Variants in BIRC6 observed in about 807,000 individuals in gnomAD.
BIRC6 encodes baculoviral IAP repeat containing 6, also known as dual E2 ubiquitin-conjugating enzyme/E3 ubiquitin-protein ligase BIRC6.
In BIRC6, 98 loss-of-function variants were observed where a neutral mutation model predicts 503.3. The observed-to-expected ratio is 0.19, with a 90% confidence interval of 0.17 to 0.23. BIRC6 has a LOEUF of 0.23. Among genes scored for constraint, BIRC6 ranks in the 10% least tolerant of loss-of-function variants. BIRC6 has a pLI of 1.00. For missense variants in BIRC6, 5,360 were observed against 5,806.0 expected (o/e 0.92, Z 2.50); for synonymous variants, 2,240 against 2,078.7 (o/e 1.08, Z -2.11).
At chr2:32,588,331 G>C (rs1342179490) in intron 66 of BIRC6, among the ~76,000 whole-genome samples, 1 of 152,154 alleles carries the variant, frequency 6.6e-6, no homozygotes, top group Non-Finnish European at 1.5e-5. Flanking sequence ...CTCCAGCCTG[G>C]ACAACAAGAG....
Position 32,469,540 on chromosome 2 carries a change from G to T in BIRC6, c.6273G>T (p.Trp2091Cys). 6.2e-7 allele frequency: 1 copy of T among 1,613,878 alleles called. No individual in the cohort carries two copies. Among genetic ancestry groups the T allele is most frequent in the Non-Finnish European group, 8.5e-7 (1 of 1,179,836 alleles). The change falls in exon 30 of 74, where the codon TGG becomes TGT. Residue 2091 changes from tryptophan to cysteine, a missense_variant. This residue lies in a region of BIRC6 where 2,299 missense variants were observed against 2,267.2 expected (regional missense o/e 1.01). Coordinates refer to ENST00000421745, the MANE Select transcript of BIRC6 (RefSeq NM_016252.4). The part of the protein sequence containing the change: ...LLVQLCGGER[W>C]WGQFLSNVLQ... ...TTCAACTGTGTGGTGGTGAAAGGTG[G>T]TGGGGTCAATTTCTTTCTAATGTCC... is the stretch of plus-strand genomic sequence containing the variant.
intron 66 of BIRC6, among the ~76,000 whole-genome samples, chr2:32,578,240 T>C (rs745658972): frequency 6.6e-6 from 1 of 152,156 alleles, no homozygotes; most frequent in Non-Finnish European, 1.5e-5. Flanking sequence ...CAACTTAAGA[T>C]GTATTTTTTT....
chr2:32,546,056 A>G (rs2058033881), intron 63 of BIRC6, among the ~76,000 whole-genome samples, 196 bp downstream of exon 63: 1 of 152,202 alleles, frequency 6.6e-6, no homozygotes. Flanking sequence ...AAAGAAACCT[A>G]TCTACTTGAA....
At chr2:32,557,475 G>C (rs1259689912) in intron 65 of BIRC6, 2 of 152,054 alleles carry the variant, frequency 1.3e-5, no homozygotes, top group Non-Finnish European at 2.9e-5. Context: ...CATATTCATT[G>C]CTTTGTCCTG....
intron 35 of BIRC6, 38 bp downstream of exon 35, chr2:32,477,621 G>A (rs1394264512): frequency 2.0e-6 from 3 of 1,528,214 alleles, no homozygotes; most frequent in South Asian, 1.2e-5. Flanking sequence ...AGGGTTGGCC[G>A]GGCGCAGTGG....
intron 65 of BIRC6, chr2:32,574,856 C>T (rs2151028088): frequency 2.6e-6 from 1 of 380,656 alleles, no homozygotes; most frequent in Non-Finnish European, 5.0e-6. Flanking sequence ...TCAAACAGTT[C>T]TCCTGCCTCA....
rs148244969 is a variant in BIRC6 at position 32,415,175 on chromosome 2, G to A, written c.1884G>A (p.Pro628=). The A allele has an allele frequency of 5.4e-5, 87 of 1,613,928 alleles. No homozygotes were observed. Among genetic ancestry groups the A allele is most frequent in the African/African-American group, 2.0e-4 (15 of 75,034 alleles). Residue 628 remains proline (P), a synonymous_variant, in exon 10 of 74, where the codon CCG becomes CCA. Coordinates refer to ENST00000421745, the MANE Select transcript of BIRC6 (RefSeq NM_016252.4). ...LNSPLVRRTL[P]VLLLYSIKES... is the part of the protein sequence containing the mutation. ...CTCCTCTGGTAAGGAGGACTTTACC[G>A]GTTTTGCTTCTTTATAGCATCAAGG...
intron 65 of BIRC6, among the ~76,000 whole-genome samples, chr2:32,568,752 G>T (rs1422955266): frequency 6.6e-6 from 1 of 151,588 alleles, no homozygotes; most frequent in Non-Finnish European, 1.5e-5. Flanking sequence ...GCTGAAGCAG[G>T]AGAATTGCTT....
At chr2:32,494,447 C>T (rs535050972) in intron 45 of BIRC6, among the ~76,000 whole-genome samples, 1 of 151,416 alleles carries the variant, frequency 6.6e-6, no homozygotes, top group East Asian at 2.0e-4. Context: ...AGGGTGGTCT[C>T]GATCTCCTGA....
chr2:32,491,282 T>C (rs565925663), intron 43 of BIRC6, 143 bp from the exon 44 acceptor site: 8 of 776,594 alleles, frequency 1.0e-5, no homozygotes, highest in African/African-American at 8.8e-5. Context: ...TTAGTCAATA[T>C]AGTAGAAACT....
chr2:32,420,342 G>T (rs2042802699), intron 10 of BIRC6, among the ~76,000 whole-genome samples: 1 of 152,050 alleles, frequency 6.6e-6, no homozygotes, highest in Admixed American at 6.6e-5. Flanking sequence ...TGGGCCCAGA[G>T]ATTTTTTTTA....
Position 32,579,011 on chromosome 2 carries a change from C to CACT in BIRC6, c.13355+3645_13355+3646insACT, listed in dbSNP as rs1559094220. On this transcript the variant is annotated intron_variant, in intron 66 of 73. Transcript: ENST00000421745. ...ATATACACTTAATATATATATATAC[C>CACT]TAATATATATATACCTAATATATAT... Among the ~76,000 whole-genome samples, 23 of 36,750 alleles carry CACT rather than the reference C, an allele frequency of 6.3e-4. 1 individual carries two copies. Among genetic ancestry groups the CACT allele is most frequent in the African/African-American group, 3.2e-3 (20 of 6,270 alleles). The allele number at this position is 36,750 out of a possible 152,430, so 24.1% of individuals were successfully genotyped here. A position where few individuals can be genotyped will look rare whatever the true frequency, so the allele number is the denominator to read the frequency against.
chr2:32,415,809 G>C lies in BIRC6; in HGVS notation c.2518G>C (p.Glu840Gln), dbSNP rs753083235. Residue 840 changes from glutamate to glutamine, a missense_variant, in exon 10 of 74, where the codon GAA becomes CAA. Coordinates refer to ENST00000421745, the MANE Select transcript of BIRC6 (RefSeq NM_016252.4). ...TTATGCCACTCGGATAGTGACTTTA[G>C]AAGAGGAGCCAATAAAAATACAACA... ...MNYATRIVTL[E>Q]EEPIKIQHIK... 5 of 1,613,620 alleles carry C rather than the reference G, an allele frequency of 3.1e-6. No individual in the cohort carries two copies. Among genetic ancestry groups the C allele is most frequent in the African/African-American group, 1.3e-5 (1 of 74,900 alleles).
chr2:32,590,077 G>A (rs937211971), intron 66 of BIRC6, among the ~76,000 whole-genome samples: 10 of 152,094 alleles, frequency 6.6e-5, no homozygotes, highest in African/African-American at 1.7e-4. Context: ...TTTATAGTAC[G>A]GAGATCTTCG....
At chr2:32,413,754 G>C (rs549719249) in intron 9 of BIRC6, among the ~76,000 whole-genome samples, 2 of 151,224 alleles carry the variant, frequency 1.3e-5, no homozygotes, top group Admixed American at 1.3e-4. Context: ...ATTGGTTCCA[G>C]GACCCTCTCT....
chr2:32,389,682 C>T (rs894127680), intron 4 of BIRC6, among the ~76,000 whole-genome samples: 1 of 152,060 alleles, frequency 6.6e-6, no homozygotes, highest in Non-Finnish European at 1.5e-5. Context: ...TTTTTGTTTG[C>T]CTTTTCATGT....
rs756225268 is a variant in BIRC6 at position 32,469,441 on chromosome 2, C to T, written c.6174C>T (p.Ala2058=). 1 of 1,613,894 alleles carries T rather than the reference C, an allele frequency of 6.2e-7. No individual in the cohort carries two copies. The highest frequency in any genetic ancestry group is 1.1e-5 in the South Asian group (1 of 91,076). Residue 2058 remains alanine, a synonymous_variant, in exon 30 of 74, where the codon GCC becomes GCT. Transcript: ENST00000421745. ...TGCAGAGCACATTTCATGCCCAGGC[C>T]TGTGAAGAGCTCTTTAAACACTTGT... ...AVLQSTFHAQ[A]CEELFKHLCI...
chr2:32,361,592 A>G (rs1033863175), intron 1 of BIRC6, among the ~76,000 whole-genome samples: 20 of 152,176 alleles, frequency 1.3e-4, no homozygotes, highest in African/African-American at 4.6e-4. Context: ...GGGTTTGGAC[A>G]ATGTATAGTG....
intron 63 of BIRC6, 103 bp from the exon 64 acceptor site, chr2:32,547,747 T>C (rs1000607885): frequency 1.9e-6 from 2 of 1,061,130 alleles, no homozygotes; most frequent in Non-Finnish European, 1.3e-6. Flanking sequence ...GCCACCAAAC[T>C]GTTTTCCATA....
Sources: gnomAD v4.1 joint callset for allele counts (sites outside exome capture counted in the v4.1 genomes callset) on GRCh38, gnomAD v4.1.1 for gene constraint, gnomAD v4.1.1 regional missense constraint, MANE v1.5 for transcripts, NCBI Gene and HGNC (gene_info 2026-07-23, HGNC 2026-07-21) for gene names.